The following RNF26 variants were observed in gnomAD, a reference collection of about 807,000 sequenced individuals.
The protein encoded by RNF26 is ring finger protein 26.
Under a neutral mutation model 25.4 loss-of-function variants are expected in RNF26, and 8 were observed. The ratio of observed to expected loss-of-function variants is 0.31; its 90% CI spans 0.18 to 0.57. RNF26 has a LOEUF of 0.57. Among genes scored for constraint, RNF26 ranks in the 20% least tolerant of loss-of-function variants. The pLI, the probability that RNF26 is intolerant of heterozygous loss-of-function variation, is 0.90. For synonymous variants in RNF26, 262 were observed against 246.7 expected (o/e 1.06, Z -0.58); for missense variants, 470 against 552.0 (o/e 0.85, Z 1.49).
Position 119,334,976 on chromosome 11 carries a change from C to A in RNF26, c.-147C>A. On this transcript the variant is annotated 5_prime_UTR_variant, in exon 1 of 1. Transcript: ENST00000311413. ...GACTCCACTTCCGTCTTACCCACTT[C>A]TTCCTCAGATTCTTGGTACCCCCTG... 1.6e-6 allele frequency: 1 copy of A among 639,622 alleles called. No homozygotes were observed. The allele number at this position is 639,622 out of a possible 1,614,324, so 39.6% of individuals were successfully genotyped here. A position where few individuals can be genotyped will look rare whatever the true frequency, so the allele number is the denominator to read the frequency against.
Position 119,336,395 on chromosome 11 carries a change from A to C in RNF26, c.1273A>C (p.Ile425Leu). The C allele has an allele frequency of 6.2e-7, 1 of 1,611,086 alleles. No individual in the cohort carries two copies. Among genetic ancestry groups the C allele is most frequent in the Non-Finnish European group, 8.5e-7 (1 of 1,179,738 alleles). Residue 425 changes from isoleucine to leucine, a missense_variant, in exon 1 of 1, where the codon ATC (isoleucine) becomes CTC (leucine). Physicochemically the swap from Ile to Leu is conservative, Grantham distance 5. Transcript: ENST00000311413. Reference protein sequence around the residue: ...HRNCPLCRRGILQTLNVYL With the variant: ...HRNCPLCRRGLLQTLNVYL Reference sequence around the variant, plus strand: ...CAATTGCCCGCTCTGCCGCCGGGGCATCCTGCAGACCCTCAATGTCTACCT... The same window carrying C: ...CAATTGCCCGCTCTGCCGCCGGGGCCTCCTGCAGACCCTCAATGTCTACCT...
Position 119,335,516 on chromosome 11 carries a change from C to T in RNF26, c.394C>T (p.Gln132Ter). ...CTCCAGTGGCCATGCTTTGCTGCGCCAGGCCTGTGACATCTGTGCCATTGC... is the reference window on the plus strand; with the variant it reads ...CTCCAGTGGCCATGCTTTGCTGCGCTAGGCCTGTGACATCTGTGCCATTGC... The part of the protein sequence containing the change: ...VVSSGHALLR[Q>*]ACDICAIAMS... The change falls in exon 1 of 1, where the codon CAG becomes TAG. Residue 132 changes from glutamine to a stop codon, truncating the protein, a stop_gained. Coordinates refer to ENST00000311413, the MANE Select transcript of RNF26 (RefSeq NM_032015.5). LOFTEE classifies it high-confidence loss of function. 1 of 1,613,840 alleles carries T rather than the reference C, an allele frequency of 6.2e-7. No individual in the cohort carries two copies. The highest frequency in any genetic ancestry group is 8.5e-7 in the Non-Finnish European group (1 of 1,179,868).
chr11:119,335,644 C>G lies in RNF26; in HGVS notation c.522C>G (p.Thr174=), dbSNP rs1029705276. ...TGCTGGCCCTGTGGGATGCAGTGAC[C>G]GGGCCTCTGTGGAGGATGACGGACG... ...SLVLALWDAV[T]GPLWRMTDVV... The change falls in exon 1 of 1, where the codon ACC becomes ACG. Residue 174 remains threonine, a synonymous_variant. Transcript: ENST00000311413. 1.2e-6 allele frequency: 2 copies of G among 1,613,316 alleles called. No individual in the cohort carries two copies. Among genetic ancestry groups the G allele is most frequent in the South Asian group, 1.1e-5 (1 of 90,978 alleles).
At position 119,336,729 on chromosome 11, in the gene RNF26, G is replaced by A; in HGVS notation, c.*305G>A. 1 of 423,780 alleles carries A rather than the reference G, an allele frequency of 2.4e-6. No individual in the cohort carries two copies. Among genetic ancestry groups the A allele is most frequent in the Non-Finnish European group, 4.4e-6 (1 of 227,814 alleles). The allele number at this position is 423,780 out of a possible 1,614,324, so 26.3% of individuals were successfully genotyped here. On this transcript the variant is annotated 3_prime_UTR_variant, in exon 1 of 1. Transcript: ENST00000311413. ...CCCAGGGCCCACCCAGATGCCTCTG[G>A]GGTTACCCCTGTCTGCTTCTGGTTT...
rs145563235 is a variant in RNF26, at chr11:119,335,971, C to T, written c.849C>T (p.Gly283=). 2 of 1,612,240 alleles carry T rather than the reference C, an allele frequency of 1.2e-6. No homozygotes were observed. The highest frequency in any genetic ancestry group is 2.2e-5 in the East Asian group (1 of 44,886). The change falls in exon 1 of 1, where the codon GGC becomes GGT. Residue 283 remains glycine, a synonymous_variant. Coordinates refer to ENST00000311413, the MANE Select transcript of RNF26 (RefSeq NM_032015.5). Reference sequence around the variant, plus strand: ...TGCGGCTCTCTCGCCTAGCACTGGGCTCAGAGGCCTGGCGCCGAGTCTGGA... The same window carrying T: ...TGCGGCTCTCTCGCCTAGCACTGGGTTCAGAGGCCTGGCGCCGAGTCTGGA... ...DVMRLSRLAL[G]SEAWRRVWSR...
Position 119,335,364 on chromosome 11 carries a change from A to T in RNF26, c.242A>T (p.Gln81Leu). 6.2e-7 allele frequency: 1 copy of T among 1,614,174 alleles called. No homozygotes were observed. The highest frequency in any genetic ancestry group is 2.2e-5 in the East Asian group (1 of 44,874). Residue 81 changes from glutamine to leucine, a missense_variant, in exon 1 of 1, where the codon CAG becomes CTG. Physicochemically the swap from Gln to Leu is moderately radical, Grantham distance 113. Coordinates refer to ENST00000311413, the MANE Select transcript of RNF26 (RefSeq NM_032015.5). ...GTCCGGTTCACATGTGGGGGCTTGC[A>T]GGCCTTGTGTACTCTGCTGTATAGC... ...AVVRFTCGGL[Q>L]ALCTLLYSCC...
In RNF26 at chr11:119,334,762, T is replaced by G; in HGVS notation, c.-361T>G. The G allele has an allele frequency of 6.5e-6, 2 of 308,556 alleles. No individual in the cohort carries two copies. Among genetic ancestry groups the G allele is most frequent in the Non-Finnish European group, 6.0e-6 (1 of 167,788 alleles). 19.1% of individuals were successfully genotyped at this position (308,556 alleles called of 1,614,324 possible). ...TCCGATCCGATCCCATTCCATCCGT[T>G]CCTCGTCTCCTCCCGGTCTGACCCG... On this transcript the variant is annotated 5_prime_UTR_variant, in exon 1 of 1. Transcript: ENST00000311413.
At position 119,337,242 on chromosome 11, in the gene RNF26, C is replaced by G. The variant is rs1591297694; in HGVS notation, c.*818C>G. The G allele has an allele frequency of 5.9e-6, 1 of 169,372 alleles. No individual in the cohort carries two copies. The highest frequency in any genetic ancestry group is 1.5e-5 in the Non-Finnish European group (1 of 68,368). 10.5% of individuals were successfully genotyped at this position (169,372 alleles called of 1,614,324 possible). ...TCCAAATACAGAAGGGCCCAGGGCC[C>G]AGGGGCTTGCAGCTTCGTGAGGGGT... On this transcript the variant is annotated 3_prime_UTR_variant, in exon 1 of 1. Transcript: ENST00000311413.
At position 119,335,891 on chromosome 11, in the gene RNF26, G is replaced by T. The variant is rs755785802; in HGVS notation, c.769G>T (p.Ala257Ser). The T allele has an allele frequency of 4.3e-6, 7 of 1,609,538 alleles. No individual in the cohort carries two copies. The highest frequency in any genetic ancestry group is 5.9e-6 in the Non-Finnish European group (7 of 1,180,016). Residue 257 changes from alanine to serine, a missense_variant, in exon 1 of 1, where the codon GCA becomes TCA. Transcript: ENST00000311413. ...CTTCACCCTGAGGCTGGCTACCCAG[G>T]CACTCAGCCAGCTCCATGCCCGGCC... ...PDFTLRLATQ[A>S]LSQLHARPSY... is the part of the protein sequence containing the mutation.
chr11:119,335,329 C>A lies in RNF26; in HGVS notation c.207C>A (p.Ile69=). The change falls in exon 1 of 1, where the codon ATC becomes ATA. Residue 69 remains isoleucine (I), a synonymous_variant. Transcript: ENST00000311413. ...RGVLLSLLAL[I]EAVVRFTCGG... ...TCTTGCTTTCATTGCTGGCCTTGAT[C>A]GAAGCCGTGGTCCGGTTCACATGTG... is the stretch of plus-strand genomic sequence containing the variant. The A allele has an allele frequency of 6.2e-7, 1 of 1,614,188 alleles. No individual in the cohort carries two copies. Among genetic ancestry groups the A allele is most frequent in the Non-Finnish European group, 8.5e-7 (1 of 1,180,038 alleles).
In RNF26 at chr11:119,336,412, T is replaced by C. The variant is rs1276276274; in HGVS notation, c.1290T>C (p.Asn430=). The C allele has an allele frequency of 8.7e-6, 14 of 1,609,288 alleles. No homozygotes were observed. The highest frequency in any genetic ancestry group is 1.2e-5 in the Non-Finnish European group (14 of 1,178,670). ...GCCGGGGCATCCTGCAGACCCTCAA[T>C]GTCTACCTCTGAAGCCTCCTTCCCT... is the stretch of plus-strand genomic sequence containing the variant. ...LCRRGILQTL[N]VYL The change falls in exon 1 of 1, where the codon AAT becomes AAC. Residue 430 remains asparagine (N), a synonymous_variant. Transcript: ENST00000311413.
In RNF26 at chr11:119,336,288, C is replaced by T; in HGVS notation, c.1166C>T (p.Thr389Ile). 6.2e-7 allele frequency: 1 copy of T among 1,613,622 alleles called. No homozygotes were observed. The highest frequency in any genetic ancestry group is 8.5e-7 in the Non-Finnish European group (1 of 1,180,034). Residue 389 changes from threonine (T) to isoleucine (I), a missense_variant, in exon 1 of 1, where the codon ACA (threonine) becomes ATA (isoleucine). By Grantham distance (89) the Thr-to-Ile change is moderately conservative. Transcript: ENST00000311413. ...GTCATCTGCCAGGACCAGAGCAAGA[C>T]AGTGTTGCTCCTGCCCTGCCGGCAT... Reference protein sequence around the residue: ...KCVICQDQSKTVLLLPCRHLC... With the variant: ...KCVICQDQSKIVLLLPCRHLC...
rs1222597967 is a variant in RNF26 at position 119,336,794 on chromosome 11, ACATTTCCTCCC to A, written c.*373_*383del. ...TATAGGTCCTTTTCCTGCCTCCTTCACATTTCCTCCCCAGCTTTTGCGGCCACAACACATCA... is the reference window on the plus strand; with the variant it reads ...TATAGGTCCTTTTCCTGCCTCCTTCACAGCTTTTGCGGCCACAACACATCA... On this transcript the variant is annotated 3_prime_UTR_variant, in exon 1 of 1. Transcript: ENST00000311413. 1 of 261,940 alleles carries A rather than the reference ACATTTCCTCCC, an allele frequency of 3.8e-6. No individual in the cohort carries two copies. The highest frequency in any genetic ancestry group is 7.8e-6 in the Non-Finnish European group (1 of 127,462). 16.2% of individuals were successfully genotyped at this position (261,940 alleles called of 1,614,324 possible). A position where few individuals can be genotyped will look rare whatever the true frequency, so the allele number is the denominator to read the frequency against.
rs75587255 is a variant in RNF26, at chr11:119,337,158, G to T, written c.*734G>T. The T allele has an allele frequency of 5.9e-6, 1 of 169,488 alleles. No homozygotes were observed. The highest frequency in any genetic ancestry group is 1.9e-4 in the East Asian group (1 of 5,168). 10.5% of individuals were successfully genotyped at this position (169,488 alleles called of 1,614,324 possible). A position where few individuals can be genotyped will look rare whatever the true frequency, so the allele number is the denominator to read the frequency against. ...CACTCCCACATCACACAGAAAAATG[G>T]CATTCCTCTCTGTCTCTCCCTGGCA... On this transcript the variant is annotated 3_prime_UTR_variant, in exon 1 of 1. Coordinates refer to ENST00000311413, the MANE Select transcript of RNF26 (RefSeq NM_032015.5).
Position 119,336,476 on chromosome 11 carries a change from C to A in RNF26, c.*52C>A. ...TCCATGCTCCACGCAGGCACTCACG[C>A]TAGGACAGCATTAACACCTCATCTC... On this transcript the variant is annotated 3_prime_UTR_variant, in exon 1 of 1. Transcript: ENST00000311413. The A allele has an allele frequency of 6.6e-7, 1 of 1,507,668 alleles. No individual in the cohort carries two copies. Among genetic ancestry groups the A allele is most frequent in the South Asian group, 1.2e-5 (1 of 82,486 alleles). The allele number at this position is 1,507,668 out of a possible 1,614,324, so 93.4% of individuals were successfully genotyped here. A position where few individuals can be genotyped will look rare whatever the true frequency, so the allele number is the denominator to read the frequency against.
Position 119,335,062 on chromosome 11 carries a change from C to A in RNF26, c.-61C>A. On this transcript the variant is annotated 5_prime_UTR_variant, in exon 1 of 1. Transcript: ENST00000311413. ...CCAGACCCCCTAAAATATTGACAAC[C>A]TTGACAACCCCCCAACCGAGGAGCC... The A allele has an allele frequency of 7.2e-7, 1 of 1,394,852 alleles. No homozygotes were observed. Among genetic ancestry groups the A allele is most frequent in the Non-Finnish European group, 1.0e-6 (1 of 1,002,866 alleles). 86.4% of individuals were successfully genotyped at this position (1,394,852 alleles called of 1,614,324 possible).
At position 119,336,328 on chromosome 11, in the gene RNF26, G is replaced by A; in HGVS notation, c.1206G>A (p.Gln402=). The stretch of plus-strand genomic sequence containing the variant: ...CCTGCCGGCATCTGTGCCTGTGCCA[G>A]GCCTGCACTGAAATCCTGATGCGCC... ...LLPCRHLCLC[Q]ACTEILMRHP... The change falls in exon 1 of 1, where the codon CAG becomes CAA. Residue 402 remains glutamine, a synonymous_variant. Transcript: ENST00000311413. 1.2e-6 allele frequency: 2 copies of A among 1,612,922 alleles called. No individual in the cohort carries two copies. Among genetic ancestry groups the A allele is most frequent in the Non-Finnish European group, 1.7e-6 (2 of 1,180,010 alleles).
chr11:119,335,377 T>C lies in RNF26; in HGVS notation c.255T>C (p.Thr85=), dbSNP rs1342805126. ...FTCGGLQALC[T]LLYSCCSGLE... is the part of the protein sequence containing the mutation. ...GTGGGGGCTTGCAGGCCTTGTGTACTCTGCTGTATAGCTGCTGCTCTGGCC... is the reference window on the plus strand; with the variant it reads ...GTGGGGGCTTGCAGGCCTTGTGTACCCTGCTGTATAGCTGCTGCTCTGGCC... Residue 85 remains threonine (T), a synonymous_variant, in exon 1 of 1, where the codon ACT becomes ACC. Transcript: ENST00000311413. 12 of 1,614,200 alleles carry C rather than the reference T, an allele frequency of 7.4e-6. No individual in the cohort carries two copies. The highest frequency in any genetic ancestry group is 7.6e-6 in the Non-Finnish European group (9 of 1,180,048).
rs374943484 is a variant in RNF26 at position 119,334,992 on chromosome 11, G to A, written c.-131G>A. The stretch of plus-strand genomic sequence containing the variant: ...TACCCACTTCTTCCTCAGATTCTTG[G>A]TACCCCCTGGGTTGGAGACTGCTCA... On this transcript the variant is annotated 5_prime_UTR_variant, in exon 1 of 1. It introduces an in-frame stop codon into an upstream open reading frame of the 5' UTR. Transcript: ENST00000311413. 3.9e-5 allele frequency: 26 copies of A among 673,404 alleles called. No homozygotes were observed. The East Asian group carries it at 4.3e-4, about 11-fold the overall frequency. The allele number at this position is 673,404 out of a possible 1,614,324, so 41.7% of individuals were successfully genotyped here.
Sources: gnomAD v4.1 joint callset for allele counts on GRCh38, gnomAD v4.1.1 for gene constraint, MANE v1.5 for transcripts, NCBI Gene and HGNC (gene_info 2026-07-23, HGNC 2026-07-21) for gene names.